Variants in E2F7 observed in about 807,000 individuals in gnomAD.
The protein encoded by E2F7 is transcription factor E2F7.
E2F7 carries 35 observed loss-of-function variants against 81.1 expected under a neutral mutation model. The ratio of observed to expected loss-of-function variants is 0.43; its 90% confidence interval spans 0.33 to 0.57. The LOEUF is 0.57. Among genes scored for constraint, E2F7 ranks in the 20% least tolerant of loss-of-function variants. The pLI is 0.04. For synonymous variants in E2F7, 416 were observed against 416.2 expected (o/e 1.00, Z 0.01); for missense variants, 961 against 1,093.7 (o/e 0.88, Z 1.71).
rs887164603 is a variant in E2F7 at position 77,022,063 on chromosome 12, A to G, written c.*1952T>C. On this transcript the variant is annotated 3_prime_UTR_variant, in exon 13 of 13. Coordinates refer to ENST00000322886, the MANE Select transcript of E2F7 (RefSeq NM_203394.3). ...ATAAAAAAAGATAGCAAAAATGTTAAAACAAGTATAGAGCATTCAGGAACA... is the reference window on the plus strand; with the variant it reads ...ATAAAAAAAGATAGCAAAAATGTTAGAACAAGTATAGAGCATTCAGGAACA... The G allele has an allele frequency of 2.0e-5, 3 of 152,210 alleles. No homozygotes were observed. The highest frequency in any genetic ancestry group is 4.4e-5 in the Non-Finnish European group (3 of 68,028). The allele number at this position is 152,210 out of a possible 1,614,324, so 9.4% of individuals were successfully genotyped here.
At chr12:77,037,191 A>T (rs1033432471) in intron 7 of E2F7, among the ~76,000 whole-genome samples, 4 of 152,228 alleles carry the variant, frequency 2.6e-5, no homozygotes, top group African/African-American at 9.6e-5. Context: ...AGGCAGAAAA[A>T]AATATTAGAT....
Position 77,025,917 on chromosome 12 carries a change from C to A in E2F7, c.2206G>T (p.Gly736Cys), listed in dbSNP as rs1379938341. The change falls in exon 12 of 13, where the codon GGT (glycine) becomes TGT (cysteine). Residue 736 changes from glycine (G) to cysteine (C), a missense_variant. Gly to Cys is a radical substitution (Grantham distance 159, BLOSUM62 -3). Around this residue, in one of 3 missense-constraint regions of E2F7, gnomAD observed 587 missense variants for 620.3 expected, o/e 0.95. Transcript: ENST00000322886. ...QTPPTVGPSS[G>C]QLPSFSVPCM... is the part of the protein sequence containing the mutation. ...GGGACACTGAAAGACGGCAGCTGACCTGAGGACGGGCCCACAGTAGGGGGG... is the reference window on the plus strand; with the variant it reads ...GGGACACTGAAAGACGGCAGCTGACATGAGGACGGGCCCACAGTAGGGGGG... 2 of 1,614,054 alleles carry A rather than the reference C, an allele frequency of 1.2e-6. No individual in the cohort carries two copies. The highest frequency in any genetic ancestry group is 1.1e-5 in the South Asian group (1 of 91,070).
chr12:77,025,997 G>C lies in E2F7; in HGVS notation c.2141-15C>G. On this transcript the variant is annotated splice_polypyrimidine_tract_variant and intron_variant, in intron 11 of 12. Transcript: ENST00000322886. ...ACCATTTAATCCTGAAAGAAAAGCA[G>C]AACAGGCGAAAATCAATATATGTCA... 6.3e-7 allele frequency: 1 copy of C among 1,590,966 alleles called. No individual in the cohort carries two copies.
intron 7 of E2F7, among the ~76,000 whole-genome samples, chr12:77,038,365 A>G (rs960747583): frequency 6.6e-6 from 1 of 152,210 alleles, no homozygotes; most frequent in African/African-American, 2.4e-5. Flanking sequence ...TATCTGTACC[A>G]TAAAACAAGT....
Position 77,046,140 on chromosome 12 carries a change from G to C in E2F7, c.727C>G (p.Leu243Val), listed in dbSNP as rs762616156. 7 of 1,614,068 alleles carry C rather than the reference G, an allele frequency of 4.3e-6. No homozygotes were observed. Among genetic ancestry groups the C allele is most frequent in the South Asian group, 1.1e-5 (1 of 91,084 alleles). ...EQMAYLQQKE[L>V]DLIDYKFGER... ...CCAAATTTATAATCTATCAGGTCCA[G>C]CTCTTTCTGTTGGAGGTAGGCCATT... The change falls in exon 5 of 13, where the codon CTG (leucine) becomes GTG (valine). Residue 243 changes from leucine to valine, a missense_variant. Leu to Val is a conservative substitution (Grantham distance 32, BLOSUM62 1). This residue lies in a region of E2F7 where 301 missense variants were observed against 405.0 expected (regional missense o/e 0.74). Transcript: ENST00000322886.
chr12:77,053,733 C>A (rs1376779455), intron 3 of E2F7, among the ~76,000 whole-genome samples: 1 of 152,168 alleles, frequency 6.6e-6, no homozygotes, highest in Non-Finnish European at 1.5e-5. Flanking sequence ...GAATATCATA[C>A]AGCCATGAAA....
chr12:77,055,229 C>T lies in E2F7; in HGVS notation c.369+626G>A, dbSNP rs1028394745. ...CTTTTTTCTCTCTTCCCAATTTCTT[C>T]ATTTTGGCAATTTTTATAGCTTGAA... On this transcript the variant is annotated intron_variant, in intron 3 of 12. Transcript: ENST00000322886. Among the ~76,000 whole-genome samples, 6 of 152,136 alleles carry T rather than the reference C, an allele frequency of 3.9e-5. No homozygotes were observed. The South Asian group carries it at 1.2e-3, about 32-fold the overall frequency.
chr12:77,024,199 A>G lies in E2F7; in HGVS notation c.2566-14T>C. On this transcript the variant is annotated splice_polypyrimidine_tract_variant and intron_variant, in intron 12 of 12. Transcript: ENST00000322886. Reference sequence around the variant, plus strand: ...TGGAACTGGTGACTGAAAAAAGAAAAAAGAAAAAACAGAAGTGAAGTCATA... The same window carrying G: ...TGGAACTGGTGACTGAAAAAAGAAAGAAGAAAAAACAGAAGTGAAGTCATA... 6.2e-7 allele frequency: 1 copy of G among 1,610,432 alleles called. No individual in the cohort carries two copies. Among genetic ancestry groups the G allele is most frequent in the African/African-American group, 1.3e-5 (1 of 74,536 alleles).
chr12:77,047,436 T>G (rs1048236948), intron 4 of E2F7, among the ~76,000 whole-genome samples: 9 of 152,220 alleles, frequency 5.9e-5, no homozygotes, highest in South Asian at 2.1e-4. Flanking sequence ...TAAGAGGTCA[T>G]AGTAGAAACA....
intron 2 of E2F7, among the ~76,000 whole-genome samples, chr12:77,058,284 C>G (rs941020461): frequency 5.9e-5 from 9 of 152,182 alleles, no homozygotes; most frequent in Non-Finnish European, 1.0e-4. Flanking sequence ...CTCATCCAAT[C>G]CTGTGACATA....
chr12:77,039,355 CTG>C (rs1420671205), intron 7 of E2F7, among the ~76,000 whole-genome samples: 1 of 152,118 alleles, frequency 6.6e-6, no homozygotes, highest in African/African-American at 2.4e-5. Context: ...TCAAAAGACA[CTG>C]TTAAGAAAAT....
chr12:77,047,021 G>C (rs541651188), intron 4 of E2F7, among the ~76,000 whole-genome samples: 368 of 152,270 alleles, frequency 2.4e-3, no homozygotes, highest in African/African-American at 7.9e-3. Context: ...ACAATTCTCT[G>C]TGTTCTCATT....
intron 6 of E2F7, 48 bp from the exon 7 acceptor site, chr12:77,043,247 G>T: frequency 1.2e-6 from 2 of 1,609,706 alleles, no homozygotes; most frequent in South Asian, 2.2e-5. Context: ...GTGACACCAT[G>T]ACAGTTTAGT....
intron 4 of E2F7, among the ~76,000 whole-genome samples, chr12:77,048,851 G>T (rs1954963943): frequency 6.6e-6 from 1 of 152,120 alleles, no homozygotes; most frequent in South Asian, 2.1e-4. Context: ...ATGTAACACG[G>T]CCCTCCAACA....
At chr12:77,053,206 T>C (rs1310998201) in intron 3 of E2F7, among the ~76,000 whole-genome samples, 1 of 152,202 alleles carries the variant, frequency 6.6e-6, no homozygotes, top group African/African-American at 2.4e-5. Context: ...CTTTATGTTC[T>C]TAAAAACTAC....
At chr12:77,047,324 G>A (rs979609626) in intron 4 of E2F7, among the ~76,000 whole-genome samples, 2 of 152,180 alleles carry the variant, frequency 1.3e-5, no homozygotes, top group Non-Finnish European at 2.9e-5. Context: ...AGGATGAAAT[G>A]TAACTGTAAC....
At chr12:77,051,034 G>A (rs1006966068) in intron 3 of E2F7, among the ~76,000 whole-genome samples, 5 of 152,042 alleles carry the variant, frequency 3.3e-5, no homozygotes, top group Admixed American at 6.6e-5. Context: ...TAGTGCGCTC[G>A]CTAGGCCTGT....
At chr12:77,063,613 G>A (rs1955095453) in intron 2 of E2F7, among the ~76,000 whole-genome samples, 1 of 152,032 alleles carries the variant, frequency 6.6e-6, no homozygotes, top group Non-Finnish European at 1.5e-5. Flanking sequence ...GGGAACTACT[G>A]TATTTCTTTA....
At chr12:77,052,520 C>G (rs11116811) in intron 3 of E2F7, among the ~76,000 whole-genome samples, 22,602 of 152,000 alleles carry the variant, frequency 0.15, 1,947 homozygotes, top group Non-Finnish European at 0.19. Context: ...AAAGTTGTAT[C>G]TTGACTCATA....
Sources: allele counts gnomAD v4.1 joint callset (sites outside exome capture counted in the v4.1 genomes callset), GRCh38; gene constraint gnomAD v4.1.1; regional missense constraint gnomAD v4.1.1; transcripts MANE v1.5; gene names NCBI Gene and HGNC (gene_info 2026-07-23, HGNC 2026-07-21).